CEP57L1: variants seen among roughly 807,000 people sequenced by gnomAD.
CEP57L1 encodes centrosomal protein 57 like 1, also known as centrosomal protein CEP57L1.
A neutral mutation model predicts 61.0 loss-of-function variants in CEP57L1; 37 were observed. The ratio of observed to expected loss-of-function variants is 0.61; its 90% CI spans 0.47 to 0.80. CEP57L1 has a LOEUF of 0.80. CEP57L1 is among the 30% of genes least tolerant of loss of function. CEP57L1 has a pLI of 0.00. For synonymous variants in CEP57L1, 137 were observed against 162.3 expected (o/e 0.84, Z 1.19); for missense variants, 422 against 524.7 (o/e 0.80, Z 1.91).
At chr6:109,121,339 G>A (rs1033802712) in intron 1 of CEP57L1, among the ~76,000 whole-genome samples, 1 of 152,138 alleles carries the variant, frequency 6.6e-6, no homozygotes, top group African/African-American at 2.4e-5. Context: ...TGTGTAATTT[G>A]TGCAGTGTTG....
intron 1 of CEP57L1, chr6:109,140,331 A>G (rs1163327736): frequency 1.3e-5 from 2 of 149,718 alleles, no homozygotes; most frequent in Non-Finnish European, 3.0e-5. Context: ...TTTGTTCTTC[A>G]TTGCACTTAA....
Position 109,174,109 on chromosome 6 carries a change from A to AAACAAAAAAC in CEP57L1, c.*11141_*11142insCAAAAAACAA, listed in dbSNP as rs1774534475. 1.3e-5 allele frequency among the ~76,000 whole-genome samples: 2 copies of AAACAAAAAAC among 148,280 alleles called. No homozygotes were observed. The highest frequency in any genetic ancestry group is 2.1e-4 in the South Asian group (1 of 4,662). On this transcript the variant is annotated 3_prime_UTR_variant, in exon 11 of 11. Coordinates refer to ENST00000517392, the MANE Select transcript of CEP57L1 (RefSeq NM_001271852.3). The stretch of plus-strand genomic sequence containing the variant: ...AGTGAGTCTTGGTCTCAAAAAAAAA[A>AAACAAAAAAC]AAAAACCTTGTGTTGGAAACCATCT...
chr6:109,136,437 G>A (rs116198322), intron 1 of CEP57L1, among the ~76,000 whole-genome samples: 1,627 of 152,122 alleles, frequency 0.011, 39 homozygotes, highest in African/African-American at 0.037. Flanking sequence ...AGAGGGGAGC[G>A]ATAGCATTAG....
chr6:109,159,467 G>C lies in CEP57L1; in HGVS notation c.1016+5G>C. 6.2e-7 allele frequency: 1 copy of C among 1,606,038 alleles called. No individual in the cohort carries two copies. Among genetic ancestry groups the C allele is most frequent in the Non-Finnish European group, 8.5e-7 (1 of 1,175,312 alleles). On this transcript the variant is annotated splice_donor_5th_base_variant and intron_variant, in intron 9 of 10. Transcript: ENST00000517392. The stretch of plus-strand genomic sequence containing the variant: ...TGAGCTGGACCAAATGAGCATGTAA[G>C]TATTTATATTCTTTTTTTTTTTCAA...
chr6:109,142,901 C>G (rs975042032), intron 1 of CEP57L1, among the ~76,000 whole-genome samples: 1 of 151,736 alleles, frequency 6.6e-6, no homozygotes, highest in Non-Finnish European at 1.5e-5. Context: ...CTCTCTGTTT[C>G]TCTGTTGCTC....
At position 109,169,823 on chromosome 6, in the gene CEP57L1, A is replaced by G. The variant is rs982945068; in HGVS notation, c.*6853A>G. Among the ~76,000 whole-genome samples the G allele has an allele frequency of 6.6e-5, 10 of 152,224 alleles. No homozygotes were observed. The highest frequency in any genetic ancestry group is 2.4e-4 in the African/African-American group (10 of 41,464). On this transcript the variant is annotated 3_prime_UTR_variant, in exon 11 of 11. Coordinates refer to ENST00000517392, the MANE Select transcript of CEP57L1 (RefSeq NM_001271852.3). The stretch of plus-strand genomic sequence containing the variant: ...AATCTGAAGAGAGCAAAGATCTGTT[A>G]TTTGACAAACCCTATTTTTCCGAGC...
At chr6:109,155,459 T>A in intron 6 of CEP57L1, 152 bp downstream of exon 6, 1 of 498,952 alleles carries the variant, frequency 2.0e-6, no homozygotes, top group Non-Finnish European at 3.5e-6. Flanking sequence ...TCAGCCAGTA[T>A]GATACATGGA....
At position 109,160,556 on chromosome 6, in the gene CEP57L1, T is replaced by A. The variant is rs201887247; in HGVS notation, c.1017-16T>A. The A allele has an allele frequency of 6.4e-7, 1 of 1,574,086 alleles. No individual in the cohort carries two copies. Among genetic ancestry groups the A allele is most frequent in the Admixed American group, 1.9e-5 (1 of 53,390 alleles). The stretch of plus-strand genomic sequence containing the variant: ...ATAAACTATAATACTGCTTAATATT[T>A]GCTATTCTTTCATAGGGAGCACCAA... On this transcript the variant is annotated splice_polypyrimidine_tract_variant and intron_variant, in intron 9 of 10. Coordinates refer to ENST00000517392, the MANE Select transcript of CEP57L1 (RefSeq NM_001271852.3).
At chr6:109,162,314 T>C (rs1773786259) in intron 10 of CEP57L1, among the ~76,000 whole-genome samples, 2 of 152,254 alleles carry the variant, frequency 1.3e-5, no homozygotes, top group South Asian at 4.1e-4. Context: ...CTGTTAATGT[T>C]ACCTGAAAGG....
Position 109,166,189 on chromosome 6 carries a change from T to G in CEP57L1, c.*3219T>G, listed in dbSNP as rs1774088380. Among the ~76,000 whole-genome samples the G allele has an allele frequency of 1.3e-5, 2 of 152,156 alleles. No individual in the cohort carries two copies. Among genetic ancestry groups the G allele is most frequent in the South Asian group, 2.1e-4 (1 of 4,830 alleles). ...GAGGGAAATGTTCAGTTTTCAACAA[T>G]GTAAGATTAAAGTGGGAGATACTTA... On this transcript the variant is annotated 3_prime_UTR_variant, in exon 11 of 11. Coordinates refer to ENST00000517392, the MANE Select transcript of CEP57L1 (RefSeq NM_001271852.3).
At chr6:109,139,546 G>A (rs1256656982) in intron 1 of CEP57L1, among the ~76,000 whole-genome samples, 1 of 150,622 alleles carries the variant, frequency 6.6e-6, no homozygotes, top group East Asian at 2.0e-4. Context: ...ACATGATCTC[G>A]GCTCACTGCA....
intron 1 of CEP57L1, among the ~76,000 whole-genome samples, chr6:109,125,671 C>T (rs538748166): frequency 6.6e-6 from 1 of 151,506 alleles, no homozygotes; most frequent in South Asian, 2.1e-4. Flanking sequence ...GAGTTTGAAG[C>T]TAGTCTAGGC....
In CEP57L1 at chr6:109,170,912, A is replaced by C. The variant is rs1308127017; in HGVS notation, c.*7942A>C. Among the ~76,000 whole-genome samples the C allele has an allele frequency of 2.6e-5, 4 of 152,216 alleles. No individual in the cohort carries two copies. Among genetic ancestry groups the C allele is most frequent in the African/African-American group, 9.7e-5 (4 of 41,450 alleles). On this transcript the variant is annotated 3_prime_UTR_variant, in exon 11 of 11. Coordinates refer to ENST00000517392, the MANE Select transcript of CEP57L1 (RefSeq NM_001271852.3). ...CTGGGAAAGTCAGTACCAGAGTTAAAAACAAGTTACTTTAAAGATATCTGC... is the reference window on the plus strand; with the variant it reads ...CTGGGAAAGTCAGTACCAGAGTTAACAACAAGTTACTTTAAAGATATCTGC...
chr6:109,125,299 G>T (rs1263594932), intron 1 of CEP57L1, among the ~76,000 whole-genome samples: 3 of 151,868 alleles, frequency 2.0e-5, no homozygotes, highest in Admixed American at 2.0e-4. Context: ...AATAAATTTT[G>T]GTACTGAACT....
Position 109,174,015 on chromosome 6 carries a change from G to A in CEP57L1, c.*11045G>A, listed in dbSNP as rs111763754. Among the ~76,000 whole-genome samples the A allele has an allele frequency of 0.12, 18,645 of 150,608 alleles. 1,308 individuals carry two copies. The highest frequency in any genetic ancestry group is 0.21 in the Middle Eastern group (61 of 292). ...CTCATCAGGCTGAGGCAGGAGAATCGCTTGAACCCAGGAGACAGAGGGTGC... is the reference window on the plus strand; with the variant it reads ...CTCATCAGGCTGAGGCAGGAGAATCACTTGAACCCAGGAGACAGAGGGTGC... On this transcript the variant is annotated 3_prime_UTR_variant, in exon 11 of 11. Coordinates refer to ENST00000517392, the MANE Select transcript of CEP57L1 (RefSeq NM_001271852.3).
At chr6:109,131,770 T>G (rs1774230169) in intron 1 of CEP57L1, among the ~76,000 whole-genome samples, 2 of 152,050 alleles carry the variant, frequency 1.3e-5, no homozygotes, top group South Asian at 4.2e-4. Flanking sequence ...CCCAATTCTG[T>G]GGAGATAAGT....
chr6:109,150,661 C>CA lies in CEP57L1; in HGVS notation c.462+438dup, dbSNP rs751693443. ...TGGACGACAGAGCAAGACTCTGTCT[C>CA]AAAAAAAAAAAAAAAAGTAAAATCT... On this transcript the variant is annotated intron_variant, in intron 4 of 10. Transcript: ENST00000517392. 5.2e-3 allele frequency among the ~76,000 whole-genome samples: 311 copies of CA among 59,570 alleles called. 3 individuals are homozygous for CA. Among genetic ancestry groups the CA allele is most frequent in the Middle Eastern group, 0.013 (1 of 76 alleles). 39.1% of individuals were successfully genotyped at this position (59,570 alleles called of 152,430 possible).
At chr6:109,153,644 A>C (rs570650373) in intron 4 of CEP57L1, among the ~76,000 whole-genome samples, 189 bp from the exon 5 acceptor site, 22 of 152,304 alleles carry the variant, frequency 1.4e-4, no homozygotes, top group Admixed American at 8.5e-4. Context: ...GTTGAAAAAA[A>C]TAAATAACAA....
intron 7 of CEP57L1, chr6:109,157,349 T>TA (rs1290464994): frequency 6.6e-6 from 1 of 152,214 alleles, no homozygotes; most frequent in African/African-American, 2.4e-5. Flanking sequence ...ATTCAACTCT[T>TA]ACATCTTGAT....
Sources: allele counts gnomAD v4.1 joint callset (sites outside exome capture counted in the v4.1 genomes callset), GRCh38; gene constraint gnomAD v4.1.1; transcripts MANE v1.5; gene names NCBI Gene and HGNC (gene_info 2026-07-23, HGNC 2026-07-21).